SOS2: variants seen among roughly 807,000 people sequenced by gnomAD.
SOS2 encodes the protein SOS Ras/Rho guanine nucleotide exchange factor 2, also known as son of sevenless homolog 2.
SOS2 carries 65 observed loss-of-function variants against 148.2 expected under a neutral mutation model. That is an observed-to-expected ratio of 0.44 (90% CI 0.36 to 0.54). The LOEUF is 0.54. SOS2 is among the 20% of genes least tolerant of loss of function. SOS2 has a pLI of 0.00. For missense variants in SOS2, 1,341 were observed against 1,590.2 expected (o/e 0.84, Z 2.67); for synonymous variants, 539 against 537.1 (o/e 1.00, Z -0.05).
At chr14:50,201,532 G>GAAAAAAAAA (rs11342999) in intron 2 of SOS2, among the ~76,000 whole-genome samples, 1 of 90,566 alleles carries the variant, frequency 1.1e-5, no homozygotes. Context: ...ACCCCCAACA[G>GAAAAAAAAA]AAAAAAAAAA....
chr14:50,228,785 T>C (rs964477989), intron 1 of SOS2, among the ~76,000 whole-genome samples: 4 of 152,230 alleles, frequency 2.6e-5, no homozygotes, highest in African/African-American at 7.2e-5. Flanking sequence ...GTTTAGATGG[T>C]ATACATCTTT....
intron 5 of SOS2, among the ~76,000 whole-genome samples, chr14:50,182,842 C>T (rs1268243434): frequency 6.6e-6 from 1 of 152,150 alleles, no homozygotes; most frequent in African/African-American, 2.4e-5. Context: ...GAGCTAAGCC[C>T]CAACTTTGGG....
At chr14:50,148,139 C>A (rs915967828) in intron 14 of SOS2, among the ~76,000 whole-genome samples, 1 of 152,146 alleles carries the variant, frequency 6.6e-6, no homozygotes, top group Non-Finnish European at 1.5e-5. Context: ...AAGCTGGGTG[C>A]AGTGGCTCAT....
chr14:50,196,407 TTTTTTGTGTTACA>T (rs1886313156), intron 4 of SOS2, among the ~76,000 whole-genome samples: 1 of 152,194 alleles, frequency 6.6e-6, no homozygotes, highest in Non-Finnish European at 1.5e-5. Flanking sequence ...CATTTATCCT[TTTTTTGTGTTACA>T]AACAATCCAA....
chr14:50,149,962 T>C (rs780185545), intron 14 of SOS2, 46 bp downstream of exon 14: 1 of 1,321,002 alleles, frequency 7.6e-7, no homozygotes. Context: ...TAGGTAATGT[T>C]CAAGATTCTT....
chr14:50,153,742 A>G (rs554213546), intron 12 of SOS2, among the ~76,000 whole-genome samples: 1 of 152,184 alleles, frequency 6.6e-6, no homozygotes, highest in Non-Finnish European at 1.5e-5. Context: ...CCTCCCAAGT[A>G]GCTGGGATTA....
intron 21 of SOS2, among the ~76,000 whole-genome samples, chr14:50,128,864 C>A (rs1041047841): frequency 5.9e-5 from 9 of 152,142 alleles, no homozygotes; most frequent in African/African-American, 2.2e-4. Flanking sequence ...AAGTGATACT[C>A]CTGCCTCAGC....
At chr14:50,224,698 A>G (rs1887311823) in intron 1 of SOS2, among the ~76,000 whole-genome samples, 1 of 141,268 alleles carries the variant, frequency 7.1e-6, no homozygotes. Flanking sequence ...CAGCCAGAGG[A>G]CATAGCAAGA....
At chr14:50,160,875 C>A (rs991264349) in intron 9 of SOS2, among the ~76,000 whole-genome samples, 1 of 152,064 alleles carries the variant, frequency 6.6e-6, no homozygotes, top group African/African-American at 2.4e-5. Context: ...TGGCATGTGC[C>A]ACCCAGCTAC....
chr14:50,133,632 A>G (rs1472623377), intron 19 of SOS2, among the ~76,000 whole-genome samples: 1 of 152,184 alleles, frequency 6.6e-6, no homozygotes, highest in Non-Finnish European at 1.5e-5. Flanking sequence ...CTTCACTTTT[A>G]GCTACTTAGA....
chr14:50,224,459 G>GA (rs879732398), intron 1 of SOS2, among the ~76,000 whole-genome samples: 6 of 151,004 alleles, frequency 4.0e-5, no homozygotes, highest in Non-Finnish European at 5.9e-5. Flanking sequence ...AATATTCAGA[G>GA]AAAAAAAATC....
intron 4 of SOS2, among the ~76,000 whole-genome samples, chr14:50,193,898 C>A (rs1886235610): frequency 6.6e-6 from 1 of 152,180 alleles, no homozygotes; most frequent in Middle Eastern, 3.4e-3. Flanking sequence ...GCAATCGCCA[C>A]CACGTCTGGA....
rs1420791163 is a variant in SOS2, at chr14:50,159,864, A to G, written c.1419T>C (p.His473=). The G allele has an allele frequency of 6.2e-7, 1 of 1,614,180 alleles. No individual in the cohort carries two copies. The highest frequency in any genetic ancestry group is 2.2e-5 in the East Asian group (1 of 44,882). The change falls in exon 10 of 23, where the codon CAT becomes CAC. Residue 473 remains histidine, a synonymous_variant. Transcript: ENST00000216373. Reference sequence around the variant, plus strand: ...TGTAACCTGGAAGCCGAGTCTGGCCATGATTAGGTTTACAACTGATCATTA... The same window carrying G: ...TGTAACCTGGAAGCCGAGTCTGGCCGTGATTAGGTTTACAACTGATCATTA... ...DGLMISCKPN[H]GQTRLPGYSS...
intron 1 of SOS2, among the ~76,000 whole-genome samples, chr14:50,227,283 C>T (rs1179470817): frequency 3.2e-5 from 4 of 125,224 alleles, no homozygotes; most frequent in Admixed American, 1.9e-4. Flanking sequence ...CTCGCTCTGT[C>T]GCCCAGGCTG....
chr14:50,158,926 T>A (rs1249517908), intron 10 of SOS2, among the ~76,000 whole-genome samples: 1 of 152,160 alleles, frequency 6.6e-6, no homozygotes, highest in African/African-American at 2.4e-5. Context: ...GGCTCACGCC[T>A]ATAATCTCAG....
chr14:50,193,973 G>C (rs1739712187), intron 4 of SOS2, among the ~76,000 whole-genome samples: 3 of 152,136 alleles, frequency 2.0e-5, no homozygotes, highest in Admixed American at 1.3e-4. Flanking sequence ...TCAAACTCCT[G>C]AGCTCAGACA....
At chr14:50,221,960 G>A (rs1408299419) in intron 1 of SOS2, among the ~76,000 whole-genome samples, 2 of 152,048 alleles carry the variant, frequency 1.3e-5, no homozygotes, top group Admixed American at 6.6e-5. Context: ...AAAAAAGTGC[G>A]ATTAAAGACT....
chr14:50,227,243 C>CTTTTTTTTTTTTTT (rs374477701), intron 1 of SOS2, among the ~76,000 whole-genome samples: 15 of 112,646 alleles, frequency 1.3e-4, no homozygotes, highest in South Asian at 2.7e-4. Flanking sequence ...TTCTTTCTTT[C>CTTTTTTTTTTTTTT]TTTCTTTTTT....
rs1185367580 is a variant in SOS2, at chr14:50,118,340, A to AT, written c.*3_*4insA. 1.4e-5 allele frequency: 22 copies of AT among 1,610,460 alleles called. No individual in the cohort carries two copies. The highest frequency in any genetic ancestry group is 1.8e-5 in the Non-Finnish European group (21 of 1,177,384). On this transcript the variant is annotated 3_prime_UTR_variant, in exon 23 of 23. Transcript: ENST00000216373. ...CCAGTGTCAATGACTACATATGGCT[A>AT]AGGTCATTGGGGAGTTTCTGCATTT...
Sources: gnomAD v4.1 joint callset for allele counts (sites outside exome capture counted in the v4.1 genomes callset) on GRCh38, gnomAD v4.1.1 for gene constraint, MANE v1.5 for transcripts, NCBI Gene and HGNC (gene_info 2026-07-23, HGNC 2026-07-21) for gene names.